RERE: variants seen among roughly 807,000 people sequenced by gnomAD.
The protein encoded by RERE is arginine-glutamic acid dipeptide repeats protein.
A neutral mutation model predicts 146.1 loss-of-function variants in RERE; 40 were observed. That is an observed-to-expected ratio of 0.27 (90% confidence interval 0.21 to 0.36). The LOEUF (loss-of-function observed/expected upper bound fraction) is 0.36, where lower values mean the gene tolerates loss of function less well. RERE is among the 10% of genes least tolerant of loss of function. The probability of loss-of-function intolerance (pLI) is 1.00; values close to 1 mark genes in which losing one functional copy is unlikely to be tolerated. For missense variants in RERE, 1,933 were observed against 2,138.7 expected, an observed-to-expected ratio of 0.90 and a Z score of 1.90; for synonymous variants, 1,003 against 866.0, an observed-to-expected ratio of 1.16 and a Z score of -2.78.
chr1:8,495,007 C>A, intron 10 of RERE, 56 bp downstream of exon 10: 1 of 1,248,714 alleles, frequency 8.0e-7, no homozygotes, highest in Middle Eastern at 1.9e-4. Flanking sequence ...TTCCCTACAG[C>A]CAGTTCAGGG....
chr1:8,364,277 G>C lies in RERE; in HGVS notation c.1541-22C>G, dbSNP rs368617954. ...GAGGCTGTGTGAGGGAAGTGGTGGG[G>C]GCCAACCTTGGAAACCATCCCTCTC... On this transcript the variant is annotated intron_variant, in intron 14 of 22. Transcript: ENST00000400908. The surrounding 1 kb of genome is among the most constrained non-coding windows in gnomAD (Gnocchi z 5.1). 24 of 1,609,034 alleles carry C rather than the reference G, an allele frequency of 1.5e-5. No homozygotes were observed. The East Asian group carries it at 2.9e-4, about 19-fold the overall frequency.
At chr1:8,576,233 C>A (rs1050105363) in intron 4 of RERE, among the ~76,000 whole-genome samples, 4 of 151,700 alleles carry the variant, frequency 2.6e-5, no homozygotes, top group African/African-American at 9.7e-5. Context: ...AAAAAAAGTT[C>A]TCTGTGTTGT....
chr1:8,774,688 T>A (rs1641025683), intron 1 of RERE, among the ~76,000 whole-genome samples: 1 of 148,024 alleles, frequency 6.8e-6, no homozygotes, highest in African/African-American at 2.5e-5. Flanking sequence ...CTATAAGAAA[T>A]CTAACTTATT....
intron 12 of RERE, among the ~76,000 whole-genome samples, chr1:8,388,343 C>T (rs932067427): frequency 2.7e-5 from 4 of 150,716 alleles, no homozygotes; most frequent in South Asian, 4.2e-4. Context: ...GACGGAGTCT[C>T]ACTCTGTCGC....
At chr1:8,808,647 A>C (rs1641734212) in intron 1 of RERE, among the ~76,000 whole-genome samples, 3 of 152,200 alleles carry the variant, frequency 2.0e-5, no homozygotes, top group Non-Finnish European at 4.4e-5. Flanking sequence ...AGTGGGCTGC[A>C]GATTGAGTCT....
intron 10 of RERE, among the ~76,000 whole-genome samples, chr1:8,487,473 G>C (rs1644917359): frequency 6.6e-6 from 1 of 152,116 alleles, no homozygotes; most frequent in Non-Finnish European, 1.5e-5. Flanking sequence ...AGCTACTTGG[G>C]AGGCTCAGAC....
chr1:8,388,610 C>T (rs1467421419), intron 12 of RERE, among the ~76,000 whole-genome samples: 3 of 152,154 alleles, frequency 2.0e-5, no homozygotes, highest in Non-Finnish European at 1.5e-5. Context: ...TGAGCCACCG[C>T]GCCCGGCCCA....
chr1:8,745,121 C>G (rs983775001), intron 1 of RERE, among the ~76,000 whole-genome samples: 1 of 152,132 alleles, frequency 6.6e-6, no homozygotes, highest in Admixed American at 6.5e-5. Flanking sequence ...ATAATCCCCA[C>G]GTGTCTAGGG....
chr1:8,392,367 T>C (rs1642912424), intron 12 of RERE, among the ~76,000 whole-genome samples: 1 of 152,250 alleles, frequency 6.6e-6, no homozygotes. Flanking sequence ...AAAATCCTTT[T>C]ATGCTTATAT....
intron 4 of RERE, among the ~76,000 whole-genome samples, chr1:8,566,911 A>G (rs992087488): frequency 1.3e-5 from 2 of 151,188 alleles, no homozygotes; most frequent in Non-Finnish European, 2.9e-5. Context: ...CTGCCTTAGC[A>G]TTCTGAGTAG....
chr1:8,383,865 T>TAAATAAAATA (rs59971377), intron 12 of RERE, among the ~76,000 whole-genome samples: 3,971 of 148,400 alleles, frequency 0.027, 76 homozygotes, highest in African/African-American at 0.055. Flanking sequence ...TCTCAAAAAA[T>TAAATAAAATA]AAATAAAATA....
chr1:8,713,623 A>G (rs891836980), intron 1 of RERE, among the ~76,000 whole-genome samples: 1 of 152,088 alleles, frequency 6.6e-6, no homozygotes. Context: ...AGTCCCAGCT[A>G]CTTGGGAGGC....
At chr1:8,374,755 A>G (rs957204483) in intron 12 of RERE, among the ~76,000 whole-genome samples, 4 of 152,142 alleles carry the variant, frequency 2.6e-5, no homozygotes, top group African/African-American at 9.7e-5. Context: ...CTTTTCTACC[A>G]TATTCCTTTC....
At chr1:8,371,855 T>G (rs1642049678) in intron 12 of RERE, among the ~76,000 whole-genome samples, 1 of 152,198 alleles carries the variant, frequency 6.6e-6, no homozygotes, top group African/African-American at 2.4e-5. Flanking sequence ...TTATCTTGGG[T>G]AAGTGATAGG....
chr1:8,495,223 C>A (rs1645030044), intron 9 of RERE, 61 bp from the exon 10 acceptor site: 2 of 1,253,246 alleles, frequency 1.6e-6, no homozygotes, highest in Non-Finnish European at 2.3e-6. Context: ...GAGACTTAGA[C>A]CTTCAATTTT....
intron 12 of RERE, among the ~76,000 whole-genome samples, chr1:8,386,091 T>G (rs1642673072): frequency 7.4e-6 from 1 of 135,768 alleles, no homozygotes; most frequent in Non-Finnish European, 1.6e-5. Context: ...GAGCAGTAGT[T>G]TCTAAGCTTC....
rs542371047 is a variant in RERE at position 8,528,020 on chromosome 1, C to T, written c.830+13194G>A. Reference sequence around the variant, plus strand: ...ATTCTAAGTCCTTCAGGGACAAGGACACTACCTAAATCATCTTTATTGGAA... The same window carrying T: ...ATTCTAAGTCCTTCAGGGACAAGGATACTACCTAAATCATCTTTATTGGAA... On this transcript the variant is annotated intron_variant, in intron 7 of 22. Transcript: ENST00000400908. Among the ~76,000 whole-genome samples the T allele has an allele frequency of 5.9e-5, 9 of 152,348 alleles. No homozygotes were observed. In the South Asian group the frequency reaches 1.9e-3, roughly 32 times the overall value.
intron 12 of RERE, among the ~76,000 whole-genome samples, chr1:8,410,384 G>A (rs1557617305): frequency 6.6e-6 from 1 of 152,176 alleles, no homozygotes; most frequent in Non-Finnish European, 1.5e-5. Flanking sequence ...CAGGGGGTGT[G>A]CCAACTACAC....
chr1:8,528,729 T>C (rs553578135), intron 7 of RERE, among the ~76,000 whole-genome samples: 1 of 151,872 alleles, frequency 6.6e-6, no homozygotes, highest in African/African-American at 2.4e-5. Context: ...CACCAAAACA[T>C]GAAATCCAAA....
Sources: gnomAD v4.1 joint callset for allele counts (sites outside exome capture counted in the v4.1 genomes callset) on GRCh38, gnomAD v4.1.1 for gene constraint, Gnocchi (gnomAD v3.1) non-coding constraint, MANE v1.5 for transcripts, NCBI Gene and HGNC (gene_info 2026-07-23, HGNC 2026-07-21) for gene names.